XPOT: variants seen among roughly 807,000 people sequenced by gnomAD.
XPOT encodes exportin-T.
XPOT carries 34 observed loss-of-function variants against 128.2 expected under a neutral mutation model. The ratio of observed to expected loss-of-function variants is 0.27; its 90% CI spans 0.20 to 0.35. XPOT has a LOEUF of 0.35. XPOT is among the 10% of genes least tolerant of loss of function. The pLI, the probability that XPOT is intolerant of heterozygous loss-of-function variation, is 1.00. For synonymous variants in XPOT, 348 were observed against 394.3 expected, an observed-to-expected ratio of 0.88 and a Z score of 1.39; for missense variants, 838 against 1,125.3, an observed-to-expected ratio of 0.74 and a Z score of 3.65.
At chr12:64,414,191 G>C (rs1435439079) in intron 2 of XPOT, among the ~76,000 whole-genome samples, 2 of 152,220 alleles carry the variant, frequency 1.3e-5, no homozygotes, top group African/African-American at 2.4e-5. Flanking sequence ...GTTTGGTAGA[G>C]AGCGTATGGA....
rs1296460830 is a variant in XPOT, at chr12:64,448,370, C to T, written c.*239C>T. On this transcript the variant is annotated 3_prime_UTR_variant, in exon 25 of 25. Transcript: ENST00000332707. Reference sequence around the variant, plus strand: ...TGTATAAAGATGCTCTTAAAAGACACAAGAGTTATCCTAGAACCTTAATTC... The same window carrying T: ...TGTATAAAGATGCTCTTAAAAGACATAAGAGTTATCCTAGAACCTTAATTC... 2.1e-6 allele frequency: 1 copy of T among 484,720 alleles called. No homozygotes were observed. Among genetic ancestry groups the T allele is most frequent in the African/African-American group, 1.9e-5 (1 of 51,618 alleles). 30.0% of individuals were successfully genotyped at this position (484,720 alleles called of 1,614,324 possible).
Position 64,433,400 on chromosome 12 carries a change from T to C in XPOT, c.2263-14T>C, listed in dbSNP as rs373925323. 154 of 1,510,592 alleles carry C rather than the reference T, an allele frequency of 1.0e-4. No individual in the cohort carries two copies. Among genetic ancestry groups the C allele is most frequent in the Non-Finnish European group, 9.7e-5 (109 of 1,125,034 alleles). The allele number at this position is 1,510,592 out of a possible 1,614,324, so 93.6% of individuals were successfully genotyped here. On this transcript the variant is annotated splice_polypyrimidine_tract_variant and intron_variant, in intron 18 of 24. Transcript: ENST00000332707. ...TTGTTACTAATTTCTGAAGTAATGA[T>C]TGTTTATCTTCAGATACAGGTATCC...
chr12:64,423,080 A>C (rs12831036), intron 10 of XPOT, 37 bp downstream of exon 10: 2 of 1,608,394 alleles, frequency 1.2e-6, no homozygotes, highest in Non-Finnish European at 1.7e-6. Context: ...CCAATGATAG[A>C]TTTTTAGTCT....
intron 2 of XPOT, among the ~76,000 whole-genome samples, chr12:64,413,397 A>T (rs115642784): frequency 0.013 from 1,927 of 152,296 alleles, 44 homozygotes; most frequent in African/African-American, 0.043. Flanking sequence ...TTGGGATTAT[A>T]GGTGTGAACT....
chr12:64,420,309 C>T (rs771469539), intron 7 of XPOT, 44 bp from the exon 8 acceptor site: 77 of 1,600,742 alleles, frequency 4.8e-5, no homozygotes, highest in Non-Finnish European at 6.3e-5. Context: ...GTATCTAAAA[C>T]TCATGACTTT....
chr12:64,442,029 C>G (rs1339785580), intron 23 of XPOT, among the ~76,000 whole-genome samples: 1 of 151,958 alleles, frequency 6.6e-6, no homozygotes, highest in African/African-American at 2.4e-5. Context: ...CATTTAGCAG[C>G]TCAGTTTTAT....
chr12:64,423,796 G>A (rs1162426232), intron 11 of XPOT, among the ~76,000 whole-genome samples: 1 of 152,092 alleles, frequency 6.6e-6, no homozygotes, highest in Non-Finnish European at 1.5e-5. Flanking sequence ...ACTGAACATA[G>A]TAAAATATTG....
rs1420188482 is a variant in XPOT, at chr12:64,421,373, A to G, written c.982A>G (p.Lys328Glu). Residue 328 changes from lysine to glutamate, a missense_variant, in exon 9 of 25, where the codon AAA (lysine) becomes GAA (glutamate). This residue lies in a region of XPOT where 761 missense variants were observed against 988.3 expected (regional missense o/e 0.77). Transcript: ENST00000332707. Reference protein sequence around the residue: ...AQEALQAIETKVALMLQLLIH... With the variant: ...AQEALQAIETEVALMLQLLIH... ...AGAGGCACTACAAGCTATTGAAACA[A>G]AAGTGGCACTGATGTTGCAGCTACT... The G allele has an allele frequency of 6.2e-7, 1 of 1,613,984 alleles. No individual in the cohort carries two copies. Among genetic ancestry groups the G allele is most frequent in the Admixed American group, 1.7e-5 (1 of 60,004 alleles).
chr12:64,412,681 T>C (rs1227920983), intron 2 of XPOT, among the ~76,000 whole-genome samples: 3 of 152,208 alleles, frequency 2.0e-5, no homozygotes, highest in African/African-American at 7.2e-5. Context: ...GGACACCAAC[T>C]GGGTGTCCTA....
rs750955720 is a variant in XPOT at position 64,421,213 on chromosome 12, G to C, written c.844-22G>C. On this transcript the variant is annotated intron_variant, in intron 8 of 24. Transcript: ENST00000332707. ...GCTTGGGCAGGCAGTTTTAAACAGA[G>C]ATGTGTCTTGATTGCTTATAGGAAG... The C allele has an allele frequency of 1.1e-4, 177 of 1,573,024 alleles. No homozygotes were observed. In the Middle Eastern group the frequency reaches 1.5e-3, roughly 13 times the overall value.
At chr12:64,426,298 C>CA (rs144538945) in intron 15 of XPOT, among the ~76,000 whole-genome samples, 106,666 of 123,562 alleles carry the variant, frequency 0.86, 45,721 homozygotes, top group Admixed American at 0.91. Context: ...GACTCAGTCT[C>CA]AAAAAAAAAA....
chr12:64,421,474 A>C lies in XPOT; in HGVS notation c.1080+3A>C, dbSNP rs745443570. ...ATTATCTTCATATTTTGAAACAGGT[A>C]AGTTTTTGTTTTATTCTTTTTGCTC... On this transcript the variant is annotated splice_donor_region_variant and intron_variant, in intron 9 of 24. Coordinates refer to ENST00000332707, the MANE Select transcript of XPOT (RefSeq NM_007235.6). The C allele has an allele frequency of 1.3e-6, 2 of 1,597,916 alleles. No homozygotes were observed. Among genetic ancestry groups the C allele is most frequent in the East Asian group, 4.5e-5 (2 of 44,720 alleles).
Position 64,448,869 on chromosome 12 carries a change from G to A in XPOT, c.*738G>A, listed in dbSNP as rs2136044377. ...TTATATGAGAGTCTTTTTCTTTAATGTACTGGAAAAAGCCTATGTGAATCT... is the reference window on the plus strand; with the variant it reads ...TTATATGAGAGTCTTTTTCTTTAATATACTGGAAAAAGCCTATGTGAATCT... On this transcript the variant is annotated 3_prime_UTR_variant, in exon 25 of 25. Transcript: ENST00000332707. 6.6e-6 allele frequency: 1 copy of A among 152,134 alleles called. No homozygotes were observed. Among genetic ancestry groups the A allele is most frequent in the East Asian group, 1.9e-4 (1 of 5,184 alleles). 9.4% of individuals were successfully genotyped at this position (152,134 alleles called of 1,614,324 possible). A position where few individuals can be genotyped will look rare whatever the true frequency, so the allele number is the denominator to read the frequency against.
At chr12:64,439,471 ATT>A (rs2040307875) in intron 23 of XPOT, among the ~76,000 whole-genome samples, 156 bp downstream of exon 23, 1 of 152,240 alleles carries the variant, frequency 6.6e-6, no homozygotes, top group South Asian at 2.1e-4. Flanking sequence ...CCATTTTGAA[ATT>A]ATGAGTTACT....
At position 64,404,396 on chromosome 12, in the gene XPOT, T is replaced by G. The variant is rs1440921509; in HGVS notation, c.-483T>G. On this transcript the variant is annotated 5_prime_UTR_variant, in exon 1 of 25. Coordinates refer to ENST00000332707, the MANE Select transcript of XPOT (RefSeq NM_007235.6). ...AGCCCGCGGGCTGCCGCCCGCACTCTCCAAGAGACTGCTGGCGCCGGCGCC... is the reference window on the plus strand; with the variant it reads ...AGCCCGCGGGCTGCCGCCCGCACTCGCCAAGAGACTGCTGGCGCCGGCGCC... 2.0e-5 allele frequency: 3 copies of G among 151,856 alleles called. No homozygotes were observed. Among genetic ancestry groups the G allele is most frequent in the Admixed American group, 6.6e-5 (1 of 15,156 alleles). 9.4% of individuals were successfully genotyped at this position (151,856 alleles called of 1,614,324 possible).
chr12:64,430,413 C>T, intron 17 of XPOT, 126 bp downstream of exon 17: 2 of 804,178 alleles, frequency 2.5e-6, no homozygotes, highest in Non-Finnish European at 1.9e-6. Context: ...AAATCTTTGT[C>T]CTCCAAATCC....
intron 12 of XPOT, 124 bp downstream of exon 12, chr12:64,424,847 T>A: frequency 7.3e-7 from 1 of 1,373,272 alleles, no homozygotes; most frequent in African/African-American, 1.4e-5. Flanking sequence ...TGTGTATCTC[T>A]GGAAACAATG....
chr12:64,408,618 A>T (rs918401050), intron 1 of XPOT, among the ~76,000 whole-genome samples: 3 of 152,190 alleles, frequency 2.0e-5, no homozygotes, highest in South Asian at 2.1e-4. Context: ...CTCAGAGATT[A>T]AAAAAAATCC....
At chr12:64,445,887 G>T (rs2040363518) in intron 24 of XPOT, among the ~76,000 whole-genome samples, 1 of 152,184 alleles carries the variant, frequency 6.6e-6, no homozygotes. Flanking sequence ...GTATCACCTG[G>T]TTCTTTTAGC....
Sources: gnomAD v4.1 joint callset for allele counts (sites outside exome capture counted in the v4.1 genomes callset) on GRCh38, gnomAD v4.1.1 for gene constraint, gnomAD v4.1.1 regional missense constraint, MANE v1.5 for transcripts, NCBI Gene and HGNC (gene_info 2026-07-23, HGNC 2026-07-21) for gene names.